The following DGUOK variants were observed in gnomAD, a reference collection of about 807,000 sequenced individuals.
DGUOK encodes the protein deoxyguanosine kinase, mitochondrial.
DGUOK carries 30 observed loss-of-function variants against 36.6 expected under a neutral mutation model. The ratio of observed to expected loss-of-function variants is 0.82; its 90% confidence interval spans 0.61 to 1.11. The LOEUF (loss-of-function observed/expected upper bound fraction) is 1.11, where lower values mean the gene tolerates loss of function less well. Ranked by LOEUF, DGUOK falls within the 50% of genes most tolerant of loss-of-function variation. DGUOK has a pLI of 0.00. For missense variants in DGUOK, 361 were observed against 336.4 expected (o/e 1.07, Z -0.57); for synonymous variants, 145 against 126.3 (o/e 1.15, Z -0.99).
intron 2 of DGUOK, among the ~76,000 whole-genome samples, chr2:73,944,675 T>C (rs193072935): frequency 6.6e-6 from 1 of 152,368 alleles, no homozygotes; most frequent in East Asian, 1.9e-4. Context: ...AGATGGGTTC[T>C]TTCAGAAATT....
At chr2:73,947,003 A>G in intron 3 of DGUOK, 97 bp downstream of exon 3, 1 of 1,148,358 alleles carries the variant, frequency 8.7e-7, no homozygotes, top group South Asian at 1.3e-5. Context: ...ACTGATGATT[A>G]TAATTTGAAA....
intron 4 of DGUOK, among the ~76,000 whole-genome samples, chr2:73,952,722 G>GAGTAAAA (rs1682783864): frequency 6.6e-6 from 1 of 152,174 alleles, no homozygotes; most frequent in African/African-American, 2.4e-5. Context: ...GAGGAAGTGG[G>GAGTAAAA]CTGACTCATT....
At chr2:73,945,878 C>G (rs903946173) in intron 2 of DGUOK, among the ~76,000 whole-genome samples, 1 of 152,056 alleles carries the variant, frequency 6.6e-6, no homozygotes. Flanking sequence ...CAAAAATTAG[C>G]TTGTCGTGGT....
In DGUOK at chr2:73,958,943, G is replaced by GTT. The variant is rs1683340915; in HGVS notation, c.*208_*209dup. 3 of 601,788 alleles carry GTT rather than the reference G, an allele frequency of 5.0e-6. No homozygotes were observed. The highest frequency in any genetic ancestry group is 3.7e-5 in the African/African-American group (2 of 53,784). 37.3% of individuals were successfully genotyped at this position (601,788 alleles called of 1,614,324 possible). On this transcript the variant is annotated 3_prime_UTR_variant, in exon 7 of 7. Transcript: ENST00000264093. ...CATTTTGAAAATAAAGTTTACTTAA[G>GTT]TTATGCTTGTTTTTCTAATTCAGTT...
In DGUOK at chr2:73,958,836, C is replaced by A; in HGVS notation, c.*100C>A. ...CCACCTTTCCATCCCCAGCCCCTCTCATCCCTGGAGCACTCTGCCGCTCAA... is the reference window on the plus strand; with the variant it reads ...CCACCTTTCCATCCCCAGCCCCTCTAATCCCTGGAGCACTCTGCCGCTCAA... On this transcript the variant is annotated 3_prime_UTR_variant, in exon 7 of 7. Transcript: ENST00000264093. The A allele has an allele frequency of 2.0e-6, 2 of 1,006,756 alleles. No individual in the cohort carries two copies. Among genetic ancestry groups the A allele is most frequent in the Non-Finnish European group, 3.2e-6 (2 of 626,806 alleles). 62.4% of individuals were successfully genotyped at this position (1,006,756 alleles called of 1,614,324 possible).
chr2:73,937,275 C>G (rs1681542696), intron 1 of DGUOK, among the ~76,000 whole-genome samples: 1 of 152,256 alleles, frequency 6.6e-6, no homozygotes, highest in South Asian at 2.1e-4. Context: ...TGGCCCCGGA[C>G]TGCCCATGTG....
chr2:73,946,054 CAAAAAA>C (rs777937800), intron 2 of DGUOK, among the ~76,000 whole-genome samples: 2 of 32,256 alleles, frequency 6.2e-5, no homozygotes, highest in African/African-American at 2.6e-4. Context: ...GACTCTGTCT[CAAAAAA>C]AAAAAAAAAA....
chr2:73,936,456 CTG>C (rs1681472386), intron 1 of DGUOK, among the ~76,000 whole-genome samples: 1 of 152,202 alleles, frequency 6.6e-6, no homozygotes. Flanking sequence ...ATGAGCGTGA[CTG>C]TACAAATCCA....
chr2:73,958,119 T>TC (rs1291604514), intron 5 of DGUOK, 27 bp from the exon 6 acceptor site: 3 of 1,580,482 alleles, frequency 1.9e-6, no homozygotes, highest in East Asian at 4.5e-5. Flanking sequence ...TTTTTTTCTG[T>TC]CCCCCAAACG....
chr2:73,939,006 C>T lies in DGUOK; in HGVS notation c.239C>T (p.Ala80Val). 6.2e-7 allele frequency: 1 copy of T among 1,613,742 alleles called. No homozygotes were observed. Among genetic ancestry groups the T allele is most frequent in the African/African-American group, 1.3e-5 (1 of 75,034 alleles). The change falls in exon 2 of 7, where the codon GCT becomes GTT. Residue 80 changes from alanine to valine, a missense_variant. By Grantham distance (64) the Ala-to-Val change is moderately conservative. Coordinates refer to ENST00000264093, the MANE Select transcript of DGUOK (RefSeq NM_080916.3). ...GTAGCAACATGGCAGAATATCCAGG[C>T]TGCTGGCACCCAAAAAGTAAGTTTT... Reference protein sequence around the residue: ...EPVATWQNIQAAGTQKACTAQ... With the variant: ...EPVATWQNIQVAGTQKACTAQ...
At chr2:73,940,574 A>T (rs1324001532) in intron 2 of DGUOK, among the ~76,000 whole-genome samples, 1 of 152,234 alleles carries the variant, frequency 6.6e-6, no homozygotes, top group Non-Finnish European at 1.5e-5. Flanking sequence ...TTTTCTGAGT[A>T]TGCCACAGGT....
intron 1 of DGUOK, among the ~76,000 whole-genome samples, chr2:73,928,407 C>T (rs1465274506): frequency 2.0e-5 from 3 of 152,162 alleles, no homozygotes; most frequent in East Asian, 1.9e-4. Flanking sequence ...GGATTATAGG[C>T]GTTAGCCACT....
chr2:73,940,861 A>C (rs779228062), intron 2 of DGUOK, among the ~76,000 whole-genome samples: 1 of 152,158 alleles, frequency 6.6e-6, no homozygotes, highest in African/African-American at 2.4e-5. Context: ...GTGTGAGTAC[A>C]TTTTCTGATG....
At chr2:73,940,942 T>C (rs571801892) in intron 2 of DGUOK, among the ~76,000 whole-genome samples, 2 of 152,384 alleles carry the variant, frequency 1.3e-5, no homozygotes, top group Admixed American at 1.3e-4. Context: ...TGGTACATGA[T>C]TGCATGTCCA....
At chr2:73,952,705 A>G (rs1030228349) in intron 4 of DGUOK, among the ~76,000 whole-genome samples, 1 of 152,106 alleles carries the variant, frequency 6.6e-6, no homozygotes, top group African/African-American at 2.4e-5. Context: ...ATTGGGGAGG[A>G]GTGAGAGAGG....
intron 4 of DGUOK, among the ~76,000 whole-genome samples, chr2:73,954,792 C>G (rs1236148647): frequency 2.0e-5 from 3 of 152,170 alleles, no homozygotes; most frequent in African/African-American, 7.2e-5. Flanking sequence ...AGCAGCAGTT[C>G]TTCTTCCTGG....
intron 4 of DGUOK, among the ~76,000 whole-genome samples, chr2:73,953,502 A>G (rs1459628791): frequency 2.0e-5 from 3 of 152,070 alleles, no homozygotes; most frequent in Non-Finnish European, 4.4e-5. Flanking sequence ...AGGAATGCCC[A>G]TGTTTCTTCC....
At chr2:73,928,436 C>A (rs1028578814) in intron 1 of DGUOK, among the ~76,000 whole-genome samples, 3 of 152,148 alleles carry the variant, frequency 2.0e-5, no homozygotes, top group African/African-American at 7.2e-5. Flanking sequence ...CCGAAGTTGT[C>A]ATTTTAAATA....
intron 1 of DGUOK, among the ~76,000 whole-genome samples, chr2:73,933,291 A>T (rs980919198): frequency 6.6e-6 from 1 of 152,160 alleles, no homozygotes; most frequent in African/African-American, 2.4e-5. Context: ...CCTTCCCTCC[A>T]TCACTGTTCT....
Sources: gnomAD v4.1 joint callset for allele counts (sites outside exome capture counted in the v4.1 genomes callset) on GRCh38, gnomAD v4.1.1 for gene constraint, MANE v1.5 for transcripts, NCBI Gene and HGNC (gene_info 2026-07-23, HGNC 2026-07-21) for gene names.